Variants in ZNF404 observed in about 807,000 individuals in gnomAD.
The protein encoded by ZNF404 is zinc finger protein 404.
ZNF404 carries 7 observed loss-of-function variants against 7.3 expected under a neutral mutation model. The ratio of observed to expected loss-of-function variants is 0.95; its 90% confidence interval spans 0.54 to 1.79. The LOEUF (loss-of-function observed/expected upper bound fraction) is 1.79. ZNF404 is among the 40% of genes most tolerant of loss of function. The pLI, the probability that ZNF404 is intolerant of heterozygous loss-of-function variation, is 0.00. For synonymous variants in ZNF404, 191 were observed against 209.9 expected, an observed-to-expected ratio of 0.91 and a Z score of 0.78; for missense variants, 560 against 661.5, an observed-to-expected ratio of 0.85 and a Z score of 1.68.
In ZNF404 at chr19:43,874,090, G is replaced by GA. The variant is rs950282379; in HGVS notation, c.137-14dup. 2 of 1,512,750 alleles carry GA rather than the reference G, an allele frequency of 1.3e-6. No homozygotes were observed. The highest frequency in any genetic ancestry group is 2.8e-5 in the African/African-American group (2 of 70,942). The allele number at this position is 1,512,750 out of a possible 1,614,324, so 93.7% of individuals were successfully genotyped here. A position where few individuals can be genotyped will look rare whatever the true frequency, so the allele number is the denominator to read the frequency against. ...GTGAAATTAAAGTCTGGAAGAAAATGAAAAAACAAACAAATGCTATTTTCC... is the reference window on the plus strand; with the variant it reads ...GTGAAATTAAAGTCTGGAAGAAAATGAAAAAAACAAACAAATGCTATTTTCC... On this transcript the variant is annotated splice_polypyrimidine_tract_variant and intron_variant, in intron 2 of 2. Transcript: ENST00000587539.
chr19:43,880,495 G>A lies in ZNF404; in HGVS notation c.10-359C>T, dbSNP rs1307219829. On this transcript the variant is annotated intron_variant, in intron 1 of 2. Coordinates refer to ENST00000587539, the MANE Select transcript of ZNF404 (RefSeq NM_001033719.3). The stretch of plus-strand genomic sequence containing the variant: ...ACAAGTTGTTACAGCTTTTCTCTTC[G>A]AGGAATATGAAAAACCATGAATTGA... 3.3e-5 allele frequency among the ~76,000 whole-genome samples: 5 copies of A among 152,108 alleles called. No individual in the cohort carries two copies. In the South Asian group the frequency reaches 8.3e-4, roughly 25 times the overall value.
chr19:43,875,107 G>T (rs1209517987), intron 2 of ZNF404, among the ~76,000 whole-genome samples: 1 of 151,998 alleles, frequency 6.6e-6, no homozygotes, highest in Admixed American at 6.6e-5. Context: ...TTCCAAAATA[G>T]CTCAGTCAAG....
In ZNF404 at chr19:43,873,648, C is replaced by T. The variant is rs1307141231; in HGVS notation, c.566G>A (p.Cys189Tyr). Residue 189 changes from cysteine (C) to tyrosine (Y), a missense_variant, in exon 3 of 3, where the codon TGC (cysteine) becomes TAC (tyrosine). By Grantham distance (194) the Cys-to-Tyr change is radical. Transcript: ENST00000587539. ...KIHTDLKPYE[C>Y]NGCEKAFRFY... ...CCTAAAGGCCTTCTCACATCCATTG[C>T]ATTCATAGGGTTTCAAATCAGTGTG... 17 of 1,613,400 alleles carry T rather than the reference C, an allele frequency of 1.1e-5. No homozygotes were observed. Among genetic ancestry groups the T allele is most frequent in the Non-Finnish European group, 1.4e-5 (17 of 1,179,650 alleles).
chr19:43,876,519 A>G lies in ZNF404; in HGVS notation c.137-2442T>C, dbSNP rs543355927. Among the ~76,000 whole-genome samples, 5 of 152,276 alleles carry G rather than the reference A, an allele frequency of 3.3e-5. No homozygotes were observed. The South Asian group carries it at 1.0e-3, about 32-fold the overall frequency. On this transcript the variant is annotated intron_variant, in intron 2 of 2. Transcript: ENST00000587539. ...TGACAAGGGGGAAATGACCATCAAT[A>G]AAGAAATAAAGAATGTTAAAAAAAT... is the stretch of plus-strand genomic sequence containing the variant.
In ZNF404 at chr19:43,873,406, G is replaced by T; in HGVS notation, c.808C>A (p.Pro270Thr). The stretch of plus-strand genomic sequence containing the variant: ...TTTCCACATTCTTTACATTTGTAGG[G>T]TTTCACACCATGATGAATTTTCTGA... ...LHQKIHHGVK[P>T]YKCKECGKAF... The change falls in exon 3 of 3, where the codon CCC (proline) becomes ACC (threonine). Residue 270 changes from proline to threonine, a missense_variant. Physicochemically the swap from Pro to Thr is conservative, Grantham distance 38. Coordinates refer to ENST00000587539, the MANE Select transcript of ZNF404 (RefSeq NM_001033719.3). 6.2e-7 allele frequency: 1 copy of T among 1,613,450 alleles called. No homozygotes were observed. Among genetic ancestry groups the T allele is most frequent in the Non-Finnish European group, 8.5e-7 (1 of 1,179,650 alleles).
intron 1 of ZNF404, 111 bp from the exon 2 acceptor site, chr19:43,880,247 A>G: frequency 1.1e-6 from 1 of 913,604 alleles, no homozygotes; most frequent in Non-Finnish European, 1.6e-6. Flanking sequence ...CTAGAGTTAC[A>G]AGATGATGAC....
At chr19:43,880,461 T>C (rs1213516161) in intron 1 of ZNF404, among the ~76,000 whole-genome samples, 1 of 152,316 alleles carries the variant, frequency 6.6e-6, no homozygotes, top group East Asian at 1.9e-4. Context: ...CCATATAATA[T>C]TAATAAATAC....
rs1262274704 is a variant in ZNF404 at position 43,876,778 on chromosome 19, C to T, written c.137-2701G>A. Among the ~76,000 whole-genome samples, 5 of 152,118 alleles carry T rather than the reference C, an allele frequency of 3.3e-5. No homozygotes were observed. In the East Asian group the frequency reaches 7.7e-4, roughly 23 times the overall value. On this transcript the variant is annotated intron_variant, in intron 2 of 2. Coordinates refer to ENST00000587539, the MANE Select transcript of ZNF404 (RefSeq NM_001033719.3). The stretch of plus-strand genomic sequence containing the variant: ...ATGCTGATATCATGTATTTCTGATA[C>T]AATATGATGAGAAAGCTACTTCTCT...
In ZNF404 at chr19:43,875,310, A is replaced by G. The variant is rs529782214; in HGVS notation, c.137-1233T>C. ...TTTAAATAATTTTTTTTTTAAATCT[A>G]CAAATAATGCCTGTAAGGTTGAAGG... On this transcript the variant is annotated intron_variant, in intron 2 of 2. Coordinates refer to ENST00000587539, the MANE Select transcript of ZNF404 (RefSeq NM_001033719.3). 2.6e-5 allele frequency among the ~76,000 whole-genome samples: 4 copies of G among 152,180 alleles called. No individual in the cohort carries two copies. In the South Asian group the frequency reaches 8.3e-4, roughly 32 times the overall value.
intron 1 of ZNF404, among the ~76,000 whole-genome samples, chr19:43,883,439 T>A (rs1277239004): frequency 6.6e-6 from 1 of 152,202 alleles, no homozygotes; most frequent in Non-Finnish European, 1.5e-5. Context: ...TTCTCAGTGA[T>A]CCCTTAGCTA....
Position 43,883,233 on chromosome 19 carries a change from C to A in ZNF404, c.9+723G>T, listed in dbSNP as rs116231420. 7.3e-3 allele frequency among the ~76,000 whole-genome samples: 1,106 copies of A among 152,132 alleles called. 6 individuals carry two copies. Among genetic ancestry groups the A allele is most frequent in the African/African-American group, 0.024 (1,003 of 41,482 alleles). ...ACTAATATGGCATGTATGTTGGACA[C>A]AAATTCCAACCTCTTCCCCATAGTT... On this transcript the variant is annotated intron_variant, in intron 1 of 2. Coordinates refer to ENST00000587539, the MANE Select transcript of ZNF404 (RefSeq NM_001033719.3).
At chr19:43,882,124 A>G (rs1013918733) in intron 1 of ZNF404, among the ~76,000 whole-genome samples, 1 of 152,224 alleles carries the variant, frequency 6.6e-6, no homozygotes, top group Non-Finnish European at 1.5e-5. Flanking sequence ...ACGTAATACT[A>G]CAATAATAAA....
chr19:43,873,541 TA>T lies in ZNF404; in HGVS notation c.672del (p.Phe224LeufsTer17). On this transcript the variant is annotated frameshift_variant, in exon 3 of 3. Coordinates refer to ENST00000587539, the MANE Select transcript of ZNF404 (RefSeq NM_001033719.3). LOFTEE classifies it low-confidence loss of function (END_TRUNC). ...TGTTCTGTAAGGTGAGAATGACGTC[TA>T]AAAGCCTTCCCGCATTGCTTACATT... The part of the protein sequence containing the change: ...PYECKQCGKA[F>X]RRHSHLTEHQ... The T allele has an allele frequency of 6.2e-7, 1 of 1,613,570 alleles. No individual in the cohort carries two copies. The highest frequency in any genetic ancestry group is 8.5e-7 in the Non-Finnish European group (1 of 1,179,610).
Position 43,872,758 on chromosome 19 carries a change from T to G in ZNF404, c.1456A>C (p.Lys486Gln). The change falls in exon 3 of 3, where the codon AAG (lysine) becomes CAG (glutamine). Residue 486 changes from lysine (K) to glutamine (Q), a missense_variant. Physicochemically the swap from Lys to Gln is moderately conservative, Grantham distance 53. Coordinates refer to ENST00000587539, the MANE Select transcript of ZNF404 (RefSeq NM_001033719.3). The surrounding 1 kb of genome is among the most constrained non-coding windows in gnomAD (Gnocchi z 4.4). ...GGTTTTTCACCAGTATGAATTCTCT[T>G]ATGTTGAGAAAGACCTGAGATAGAA... is the stretch of plus-strand genomic sequence containing the variant. ...FRSISGLSQH[K>Q]RIHTGEKPYE... The G allele has an allele frequency of 6.2e-7, 1 of 1,612,718 alleles. No homozygotes were observed. The highest frequency in any genetic ancestry group is 1.7e-4 in the Middle Eastern group (1 of 6,056).
Position 43,873,310 on chromosome 19 carries a change from C to A in ZNF404, c.904G>T (p.Glu302Ter), listed in dbSNP as rs781761500. Reference sequence around the variant, plus strand: ...CGAACAAAGGCCTTTTCACATTGTTCACATTTATATGGTTTCTCACCAGAA... The same window carrying A: ...CGAACAAAGGCCTTTTCACATTGTTAACATTTATATGGTTTCTCACCAGAA... ...IHSGEKPYKC[E>*]QCEKAFVRSY... The change falls in exon 3 of 3, where the codon GAA becomes TAA. Residue 302 changes from glutamate (E) to a stop codon, truncating the protein, a stop_gained. Coordinates refer to ENST00000587539, the MANE Select transcript of ZNF404 (RefSeq NM_001033719.3). LOFTEE classifies it low-confidence loss of function (END_TRUNC). The A allele has an allele frequency of 1.9e-6, 3 of 1,613,362 alleles. No individual in the cohort carries two copies. The highest frequency in any genetic ancestry group is 2.2e-5 in the South Asian group (2 of 91,048).
intron 2 of ZNF404, among the ~76,000 whole-genome samples, chr19:43,877,755 C>T (rs978036200): frequency 7.7e-6 from 1 of 129,058 alleles, no homozygotes; most frequent in African/African-American, 2.9e-5. Context: ...CACAACAGTC[C>T]CCAGAGTGTG....
At chr19:43,877,176 T>A (rs2146619368) in intron 2 of ZNF404, among the ~76,000 whole-genome samples, 1 of 152,324 alleles carries the variant, frequency 6.6e-6, no homozygotes, top group Non-Finnish European at 1.5e-5. Flanking sequence ...TGGTACCACA[T>A]TTGTAACTTG....
chr19:43,882,435 G>T (rs1345516469), intron 1 of ZNF404, among the ~76,000 whole-genome samples: 2 of 152,082 alleles, frequency 1.3e-5, no homozygotes, highest in African/African-American at 4.8e-5. Flanking sequence ...ATAAGCTTGG[G>T]GTGAGGCAAA....
In ZNF404 at chr19:43,883,903, C is replaced by T; in HGVS notation, c.9+53G>A. 1.9e-6 allele frequency: 3 copies of T among 1,586,632 alleles called. No homozygotes were observed. The South Asian group carries it at 3.3e-5, about 18-fold the overall frequency. On this transcript the variant is annotated intron_variant, in intron 1 of 2. Coordinates refer to ENST00000587539, the MANE Select transcript of ZNF404 (RefSeq NM_001033719.3). Reference sequence around the variant, plus strand: ...CAGGATTAAAAAAATGAAAATATTACATGAATTAAAAAATCACAATAAGTC... The same window carrying T: ...CAGGATTAAAAAAATGAAAATATTATATGAATTAAAAAATCACAATAAGTC...
Sources: allele counts gnomAD v4.1 joint callset (sites outside exome capture counted in the v4.1 genomes callset), GRCh38; gene constraint gnomAD v4.1.1; non-coding constraint Gnocchi (gnomAD v3.1); transcripts MANE v1.5; gene names NCBI Gene and HGNC (gene_info 2026-07-23, HGNC 2026-07-21).